The following SLC2A12 variants were observed in gnomAD, a reference collection of about 807,000 sequenced individuals.
SLC2A12 encodes the protein solute carrier family 2, facilitated glucose transporter member 12.
A neutral mutation model predicts 41.8 loss-of-function variants in SLC2A12; 23 were observed. The observed-to-expected ratio is 0.55, with a 90% CI of 0.40 to 0.78. SLC2A12 has a LOEUF of 0.78. Ranked by LOEUF, SLC2A12 falls within the 30% of genes least tolerant of loss-of-function variation. SLC2A12 has a pLI of 0.00. For missense variants in SLC2A12, 654 were observed against 745.6 expected (o/e 0.88, Z 1.43); for synonymous variants, 295 against 285.9 (o/e 1.03, Z -0.32).
chr6:134,014,320 C>T (rs1050248368), intron 2 of SLC2A12, among the ~76,000 whole-genome samples: 33 of 152,286 alleles, frequency 2.2e-4, no homozygotes, highest in Admixed American at 1.6e-3. Flanking sequence ...TAGCTCACCT[C>T]CTGCTGTGCA....
intron 1 of SLC2A12, among the ~76,000 whole-genome samples, chr6:134,036,252 A>G (rs1024580351): frequency 2.6e-5 from 4 of 151,340 alleles, no homozygotes; most frequent in African/African-American, 9.7e-5. Context: ...AGACACCCCC[A>G]CCCCCACTTC....
intron 2 of SLC2A12, among the ~76,000 whole-genome samples, chr6:134,019,741 G>A (rs1182008714): frequency 6.6e-6 from 1 of 152,198 alleles, no homozygotes; most frequent in Non-Finnish European, 1.5e-5. Flanking sequence ...TACATAAGAT[G>A]TTGGGCGCAA....
At chr6:134,007,927 A>T (rs1776834661) in intron 2 of SLC2A12, among the ~76,000 whole-genome samples, 1 of 152,214 alleles carries the variant, frequency 6.6e-6, no homozygotes, top group Admixed American at 6.5e-5. Context: ...TCTGGAATTC[A>T]TGCTTTTTTG....
chr6:134,035,151 C>CAAAA (rs71003662), intron 1 of SLC2A12, among the ~76,000 whole-genome samples: 11,849 of 106,992 alleles, frequency 0.11, 797 homozygotes, highest in East Asian at 0.18. Context: ...GGCTGCCTGA[C>CAAAA]AAAAAAAAAA....
At chr6:134,031,478 G>A (rs761885384) in intron 1 of SLC2A12, among the ~76,000 whole-genome samples, 28 of 152,222 alleles carry the variant, frequency 1.8e-4, no homozygotes, top group Middle Eastern at 3.4e-3. Context: ...TAAAAAATGG[G>A]TCAGAACCCA....
At chr6:133,996,160 A>G (rs1436271298) in intron 4 of SLC2A12, among the ~76,000 whole-genome samples, 1 of 152,238 alleles carries the variant, frequency 6.6e-6, no homozygotes, top group Non-Finnish European at 1.5e-5. Flanking sequence ...TATTTGTTGA[A>G]TAAATGAATT....
intron 2 of SLC2A12, among the ~76,000 whole-genome samples, chr6:134,011,795 A>G (rs1379832628): frequency 6.6e-6 from 1 of 151,998 alleles, no homozygotes; most frequent in Non-Finnish European, 1.5e-5. Context: ...TAATTCCAGC[A>G]CTTTGGGAGC....
At chr6:133,991,340 C>T in intron 4 of SLC2A12, 32 bp from the exon 5 acceptor site, 4 of 1,601,262 alleles carry the variant, frequency 2.5e-6, no homozygotes, top group South Asian at 1.1e-5. Context: ...ATGAAAATGT[C>T]ATTCTTAGTT....
At chr6:133,994,235 A>G (rs1776656262) in intron 4 of SLC2A12, among the ~76,000 whole-genome samples, 1 of 152,250 alleles carries the variant, frequency 6.6e-6, no homozygotes, top group East Asian at 1.9e-4. Context: ...GATAACATTG[A>G]CATCAACTGA....
At chr6:134,042,108 A>G (rs2114503899) in intron 1 of SLC2A12, among the ~76,000 whole-genome samples, 1 of 152,348 alleles carries the variant, frequency 6.6e-6, no homozygotes, top group Admixed American at 6.5e-5. Context: ...GTACATAGCA[A>G]CTTTCTCTCA....
intron 4 of SLC2A12, among the ~76,000 whole-genome samples, chr6:133,997,883 G>A (rs1776715093): frequency 6.6e-6 from 1 of 152,028 alleles, no homozygotes; most frequent in African/African-American, 2.4e-5. Context: ...TAGCTAGTAG[G>A]GATTACTACT....
At chr6:134,023,600 C>T (rs907823524) in intron 2 of SLC2A12, among the ~76,000 whole-genome samples, 21 of 152,136 alleles carry the variant, frequency 1.4e-4, no homozygotes, top group African/African-American at 5.1e-4. Flanking sequence ...AGATAATTAA[C>T]GTTCCTGAGA....
At chr6:134,006,194 A>AAC (rs1554205915) in intron 3 of SLC2A12, among the ~76,000 whole-genome samples, 18 of 90,936 alleles carry the variant, frequency 2.0e-4, no homozygotes, top group African/African-American at 6.1e-4. Flanking sequence ...AAAAAAAAAC[A>AAC]AAAAAAAAAA....
rs138901434 is a variant in SLC2A12 at position 134,044,076 on chromosome 6, C to T, written c.103+8302G>A. Among the ~76,000 whole-genome samples the T allele has an allele frequency of 3.9e-3, 587 of 152,208 alleles. 5 individuals are homozygous for T. Among genetic ancestry groups the T allele is most frequent in the South Asian group, 0.019 (89 of 4,806 alleles). Reference sequence around the variant, plus strand: ...GCTATTTTCCCTCCTTAGAATGCTCCGTAAAACTACTGGCCTCAGTTACAC... The same window carrying T: ...GCTATTTTCCCTCCTTAGAATGCTCTGTAAAACTACTGGCCTCAGTTACAC... On this transcript the variant is annotated intron_variant, in intron 1 of 4. Transcript: ENST00000275230.
intron 1 of SLC2A12, among the ~76,000 whole-genome samples, chr6:134,035,098 C>T (rs1262153348): frequency 1.4e-5 from 2 of 139,764 alleles, no homozygotes; most frequent in African/African-American, 5.4e-5. Flanking sequence ...CATTGGTGTG[C>T]TGAGTACTTT....
Position 134,029,222 on chromosome 6 carries a change from AC to A in SLC2A12, c.602del (p.Gly201ValfsTer3). 1 of 1,614,198 alleles carries A rather than the reference AC, an allele frequency of 6.2e-7. No individual in the cohort carries two copies. ...NVFHGWKYMF[G>X]LVIPLGVLQA... is the part of the protein sequence containing the mutation. The stretch of plus-strand genomic sequence containing the variant: ...GCAAAACTCCCAAGGGAATCACAAG[AC>A]CAAACATGTACTTCCAGCCATGGAA... On this transcript the variant is annotated frameshift_variant, in exon 2 of 5. Transcript: ENST00000275230. LOFTEE classifies it high-confidence loss of function.
chr6:134,050,563 G>GA (rs1773661579), intron 1 of SLC2A12, among the ~76,000 whole-genome samples: 1 of 152,082 alleles, frequency 6.6e-6, no homozygotes, highest in South Asian at 2.1e-4. Context: ...AAGCTATTAA[G>GA]AGCACATTGT....
chr6:134,039,331 T>C (rs2114499223), intron 1 of SLC2A12, among the ~76,000 whole-genome samples: 1 of 152,328 alleles, frequency 6.6e-6, no homozygotes, highest in Middle Eastern at 3.4e-3. Context: ...TGCATCTCAG[T>C]TCTCAGCAAG....
intron 2 of SLC2A12, among the ~76,000 whole-genome samples, chr6:134,019,536 G>C (rs1315656803): frequency 6.6e-6 from 1 of 152,166 alleles, no homozygotes; most frequent in African/African-American, 2.4e-5. Flanking sequence ...TATTTGAAGT[G>C]AAAGATAAGT....
Sources: gnomAD v4.1 joint callset for allele counts (sites outside exome capture counted in the v4.1 genomes callset) on GRCh38, gnomAD v4.1.1 for gene constraint, MANE v1.5 for transcripts, NCBI Gene and HGNC (gene_info 2026-07-23, HGNC 2026-07-21) for gene names.